The following SREBF1 variants were observed in gnomAD, a reference collection of about 807,000 sequenced individuals.
SREBF1 encodes the protein sterol regulatory element-binding protein 1.
In SREBF1, 45 loss-of-function variants were observed where a neutral mutation model predicts 100.1. The observed-to-expected ratio is 0.45, with a 90% CI of 0.35 to 0.58. The LOEUF is 0.58. SREBF1 is among the 20% of genes least tolerant of loss of function. SREBF1 has a pLI of 0.00. For missense variants in SREBF1, 1,324 were observed against 1,539.4 expected, an observed-to-expected ratio of 0.86 and a Z score of 2.34; for synonymous variants, 657 against 681.8, an observed-to-expected ratio of 0.96 and a Z score of 0.57.
At chr17:17,822,379 T>C (rs1230666650) in intron 1 of SREBF1, among the ~76,000 whole-genome samples, 6 of 152,238 alleles carry the variant, frequency 3.9e-5, no homozygotes, top group Non-Finnish European at 8.8e-5. Flanking sequence ...AGGCTTTGCC[T>C]GCAGCCAAGT....
chr17:17,811,918 C>T lies in SREBF1; in HGVS notation c.*704G>A. ...TGGAGGCCATACAGCCAGCCCTCCC[C>T]ACTCCTCCCACTAACAAACAAACAT... On this transcript the variant is annotated 3_prime_UTR_variant, in exon 19 of 19. Coordinates refer to ENST00000261646, the MANE Select transcript of SREBF1 (RefSeq NM_004176.5). The T allele has an allele frequency of 2.3e-6, 1 of 444,434 alleles. No homozygotes were observed. 27.5% of individuals were successfully genotyped at this position (444,434 alleles called of 1,614,324 possible).
intron 1 of SREBF1, 113 bp from the exon 2 acceptor site, chr17:17,820,634 T>G: frequency 1.7e-6 from 2 of 1,185,740 alleles, no homozygotes; most frequent in East Asian, 2.5e-5. Flanking sequence ...CACACAGCTG[T>G]ATGTGTGGGC....
intron 1 of SREBF1, among the ~76,000 whole-genome samples, chr17:17,822,030 T>C (rs2034137484): frequency 6.6e-6 from 1 of 152,224 alleles, no homozygotes; most frequent in East Asian, 1.9e-4. Flanking sequence ...GAGACTCAAC[T>C]GAGTCCAGAC....
intron 1 of SREBF1, among the ~76,000 whole-genome samples, chr17:17,821,996 C>T (rs1363854492): frequency 1.3e-5 from 2 of 152,230 alleles, no homozygotes; most frequent in Admixed American, 6.5e-5. Context: ...AGGTGACTTA[C>T]TGGCCTAAGT....
In SREBF1 at chr17:17,836,882, C is replaced by T; in HGVS notation, c.-65G>A. 1 of 1,400,070 alleles carries T rather than the reference C, an allele frequency of 7.1e-7. No homozygotes were observed. Among genetic ancestry groups the T allele is most frequent in the Non-Finnish European group, 9.4e-7 (1 of 1,069,276 alleles). 86.7% of individuals were successfully genotyped at this position (1,400,070 alleles called of 1,614,324 possible). On this transcript the variant is annotated 5_prime_UTR_variant, in exon 1 of 19. Coordinates refer to ENST00000261646, the MANE Select transcript of SREBF1 (RefSeq NM_004176.5). ...GCCTCGTACGGCCCTTCCTAGGGAG[C>T]GCCGCCGCGGCCCCGGCTCTCAGTC...
At position 17,819,716 on chromosome 17, in the gene SREBF1, G is replaced by C; in HGVS notation, c.533C>G (p.Pro178Arg). ...PPGGFSTGSPPGNTQQPLPGL... is the reference protein window; with the variant it reads ...PPGGFSTGSPRGNTQQPLPGL... Reference sequence around the variant, plus strand: ...AGGCAGCGGCTGCTGGGTGTTCCCGGGAGGGCTTCCTGCAGAAATAAAGCA... The same window carrying C: ...AGGCAGCGGCTGCTGGGTGTTCCCGCGAGGGCTTCCTGCAGAAATAAAGCA... Residue 178 changes from proline to arginine, a missense_variant, in exon 3 of 19, where the codon CCC becomes CGC. Physicochemically the swap from Pro to Arg is moderately radical, Grantham distance 103. Coordinates refer to ENST00000261646, the MANE Select transcript of SREBF1 (RefSeq NM_004176.5). The C allele has an allele frequency of 6.2e-7, 1 of 1,603,652 alleles. No homozygotes were observed. The highest frequency in any genetic ancestry group is 8.5e-7 in the Non-Finnish European group (1 of 1,177,618).
chr17:17,814,433 G>T, intron 15 of SREBF1, 23 bp from the exon 16 acceptor site: 1 of 1,550,780 alleles, frequency 6.4e-7, no homozygotes. Flanking sequence ...GGGCAGAAGA[G>T]TGCCAGTCAG....
chr17:17,836,672 C>A (rs925177144), intron 1 of SREBF1, 55 bp downstream of exon 1: 25 of 1,507,170 alleles, frequency 1.7e-5, no homozygotes, highest in Non-Finnish European at 2.1e-5. Context: ...GACACCTGCG[C>A]GCCCCCTACT....
rs148852047 is a variant in SREBF1, at chr17:17,819,454, C to T, written c.712G>A (p.Val238Ile). The change falls in exon 4 of 19, where the codon GTC becomes ATC. Residue 238 changes from valine to isoleucine, a missense_variant and splice_region_variant. Transcript: ENST00000261646. ...TTGATGAAGTGGGGCTGCAGCAGGA[C>T]CTGAGGGTGGGAGAGGCTTGGCTGT... ...TVTSQIQQVP[V>I]LLQPHFIKAD... 237 of 1,613,754 alleles carry T rather than the reference C, an allele frequency of 1.5e-4. No individual in the cohort carries two copies. In the African/African-American group the frequency reaches 3.0e-3, roughly 20 times the overall value.
At chr17:17,832,127 G>C (rs1396912844) in intron 1 of SREBF1, among the ~76,000 whole-genome samples, 1 of 152,188 alleles carries the variant, frequency 6.6e-6, no homozygotes, top group Non-Finnish European at 1.5e-5. Flanking sequence ...CTAGGCTCTG[G>C]AGCCCACAGC....
rs980798433 is a variant in SREBF1 at position 17,814,605 on chromosome 17, G to A, written c.2735+10C>T. On this transcript the variant is annotated intron_variant, in intron 15 of 18. Transcript: ENST00000261646. ...CGGGACCAGGCAGGAGGAACCTGCCGTGCACTCACTCAGACTCCTGCAGCA... is the reference window on the plus strand; with the variant it reads ...CGGGACCAGGCAGGAGGAACCTGCCATGCACTCACTCAGACTCCTGCAGCA... 3.9e-6 allele frequency: 6 copies of A among 1,539,274 alleles called. No individual in the cohort carries two copies. Among genetic ancestry groups the A allele is most frequent in the Middle Eastern group, 1.7e-4 (1 of 5,948 alleles).
In SREBF1 at chr17:17,824,094, A is replaced by G. The variant is rs998954039; in HGVS notation, c.92-3573T>C. Among the ~76,000 whole-genome samples the G allele has an allele frequency of 6.6e-6, 1 of 152,144 alleles. No individual in the cohort carries two copies. Among genetic ancestry groups the G allele is most frequent in the Non-Finnish European group, 1.5e-5 (1 of 68,034 alleles). ...CCCTCCGTTTACTCCTCCAGAAAAC[A>G]GGACAGTCATTATCTCCCTGGCGTC... On this transcript the variant is annotated intron_variant, in intron 1 of 18. Transcript: ENST00000261646. This position sits in a 1 kb window ranked among gnomAD's most constrained non-coding sequence, Gnocchi z 4.2.
Position 17,824,317 on chromosome 17 carries a change from C to T in SREBF1, c.92-3796G>A, listed in dbSNP as rs947397732. On this transcript the variant is annotated intron_variant, in intron 1 of 18. Coordinates refer to ENST00000261646, the MANE Select transcript of SREBF1 (RefSeq NM_004176.5). This position sits in a 1 kb window ranked among gnomAD's most constrained non-coding sequence, Gnocchi z 4.2. ...GCCACTCCTGAAAACAGGTCACTTC[C>T]GGGAAACTGAGGCCTGGAAATAAGG... Among the ~76,000 whole-genome samples, 13 of 152,150 alleles carry T rather than the reference C, an allele frequency of 8.5e-5. No individual in the cohort carries two copies. Among genetic ancestry groups the T allele is most frequent in the African/African-American group, 3.1e-4 (13 of 41,438 alleles).
At chr17:17,823,808 C>CG (rs1190455202) in intron 1 of SREBF1, among the ~76,000 whole-genome samples, 11 of 151,722 alleles carry the variant, frequency 7.3e-5, no homozygotes, top group African/African-American at 2.7e-4. Context: ...GGCCCGGCCC[C>CG]GGCCCCCGCC....
chr17:17,818,123 C>A, intron 6 of SREBF1, 137 bp downstream of exon 6: 1 of 833,042 alleles, frequency 1.2e-6, no homozygotes, highest in Non-Finnish European at 2.0e-6. Flanking sequence ...TGCAGGGCTA[C>A]AGCCAAGGGT....
chr17:17,832,337 C>A (rs1488653374), intron 1 of SREBF1, among the ~76,000 whole-genome samples: 1 of 152,184 alleles, frequency 6.6e-6, no homozygotes, highest in East Asian at 1.9e-4. Flanking sequence ...TTACGATCCT[C>A]CATCCAAGCA....
chr17:17,827,435 T>A (rs962215539), intron 1 of SREBF1, among the ~76,000 whole-genome samples: 1 of 152,158 alleles, frequency 6.6e-6, no homozygotes, highest in Admixed American at 6.5e-5. Context: ...GTGCCCACCA[T>A]CCCTCCAGGG....
intron 1 of SREBF1, among the ~76,000 whole-genome samples, chr17:17,833,949 C>T (rs564687311): frequency 6.7e-6 from 1 of 149,702 alleles, no homozygotes; most frequent in South Asian, 2.1e-4. Flanking sequence ...ACAGCATGGG[C>T]AAAAGAGCGA....
intron 18 of SREBF1, 193 bp from the exon 19 acceptor site, chr17:17,813,044 T>C: frequency 1.6e-6 from 1 of 607,968 alleles, no homozygotes; most frequent in Non-Finnish European, 2.9e-6. Flanking sequence ...GTCACGCACG[T>C]GCAGTCATGT....
Sources: allele counts gnomAD v4.1 joint callset (sites outside exome capture counted in the v4.1 genomes callset), GRCh38; gene constraint gnomAD v4.1.1; non-coding constraint Gnocchi (gnomAD v3.1); transcripts MANE v1.5; gene names NCBI Gene and HGNC (gene_info 2026-07-23, HGNC 2026-07-21).